WDR70: variants seen among roughly 807,000 people sequenced by gnomAD.
WDR70 encodes WD repeat-containing protein 70.
In WDR70, 53 loss-of-function variants were observed where a neutral mutation model predicts 88.6. The observed-to-expected ratio is 0.60, with a 90% CI of 0.48 to 0.75. The LOEUF is 0.75. Among genes scored for constraint, WDR70 ranks in the 30% least tolerant of loss-of-function variants. The pLI, the probability that WDR70 is intolerant of heterozygous loss-of-function variation, is 0.00. For synonymous variants in WDR70, 280 were observed against 270.0 expected, an observed-to-expected ratio of 1.04 and a Z score of -0.36; for missense variants, 610 against 823.2, an observed-to-expected ratio of 0.74 and a Z score of 3.17.
intron 9 of WDR70, among the ~76,000 whole-genome samples, chr5:37,564,523 G>T (rs1581398398): frequency 6.7e-6 from 1 of 149,864 alleles, no homozygotes; most frequent in South Asian, 2.1e-4. Context: ...CGTGGAAAGA[G>T]AGGGAGAGGG....
intron 9 of WDR70, among the ~76,000 whole-genome samples, chr5:37,597,087 G>T (rs1743725052): frequency 6.6e-6 from 1 of 152,128 alleles, no homozygotes. Context: ...TTTATTTAGT[G>T]CATTAACAGA....
At chr5:37,522,903 C>T (rs1028468150) in intron 9 of WDR70, among the ~76,000 whole-genome samples, 1 of 152,202 alleles carries the variant, frequency 6.6e-6, no homozygotes, top group Non-Finnish European at 1.5e-5. Flanking sequence ...AGTCTGAGAT[C>T]GAACTGCAAG....
At chr5:37,423,305 TAAG>T (rs1430777881) in intron 5 of WDR70, among the ~76,000 whole-genome samples, 4 of 146,734 alleles carry the variant, frequency 2.7e-5, no homozygotes, top group Non-Finnish European at 6.0e-5. Flanking sequence ...AGGAAGCAAA[TAAG>T]AAGGAGAGTT....
At chr5:37,388,794 G>A (rs1319334799) in intron 3 of WDR70, among the ~76,000 whole-genome samples, 2 of 150,350 alleles carry the variant, frequency 1.3e-5, no homozygotes. Context: ...CTGGCATGGT[G>A]TGGTGGCTCA....
chr5:37,469,999 C>T (rs972847225), intron 7 of WDR70, among the ~76,000 whole-genome samples: 3 of 151,994 alleles, frequency 2.0e-5, no homozygotes, highest in African/African-American at 7.2e-5. Flanking sequence ...TTGTTTCATA[C>T]ATAAAAGTTC....
At chr5:37,592,394 C>T (rs1743557954) in intron 9 of WDR70, among the ~76,000 whole-genome samples, 1 of 152,108 alleles carries the variant, frequency 6.6e-6, no homozygotes, top group Non-Finnish European at 1.5e-5. Context: ...CACTGATAAG[C>T]ATTTTCTTAC....
intron 9 of WDR70, among the ~76,000 whole-genome samples, chr5:37,529,460 G>T (rs114506035): frequency 0.011 from 1,739 of 152,114 alleles, 48 homozygotes; most frequent in African/African-American, 0.04. Context: ...TGAGCATGGG[G>T]AGTGTTTCAA....
At chr5:37,417,594 A>G (rs1229857935) in intron 5 of WDR70, among the ~76,000 whole-genome samples, 1 of 150,452 alleles carries the variant, frequency 6.6e-6, no homozygotes, top group Non-Finnish European at 1.5e-5. Flanking sequence ...CCTGGAGTGC[A>G]GTGGCACAAT....
intron 17 of WDR70, among the ~76,000 whole-genome samples, chr5:37,737,671 A>G (rs947720080): frequency 1.3e-5 from 2 of 152,190 alleles, no homozygotes; most frequent in African/African-American, 2.4e-5. Flanking sequence ...GAACTTATTA[A>G]GAGAGTGCTT....
chr5:37,736,743 C>T (rs1748317389), intron 17 of WDR70, among the ~76,000 whole-genome samples: 1 of 151,106 alleles, frequency 6.6e-6, no homozygotes, highest in Non-Finnish European at 1.5e-5. Flanking sequence ...TTAAGAGGTG[C>T]CCTGGGTGAT....
chr5:37,424,141 T>C, intron 5 of WDR70, among the ~76,000 whole-genome samples: 1 of 83,550 alleles, frequency 1.2e-5, no homozygotes, highest in Non-Finnish European at 2.1e-5. Flanking sequence ...AGAGGGAGAC[T>C]CCATCTCAAA....
intron 13 of WDR70, among the ~76,000 whole-genome samples, chr5:37,711,799 A>T (rs1442130092): frequency 1.3e-5 from 2 of 152,160 alleles, no homozygotes; most frequent in Admixed American, 6.5e-5. Context: ...AATGTAATAC[A>T]TGGCACATAG....
At chr5:37,715,938 A>C (rs548795786) in intron 13 of WDR70, among the ~76,000 whole-genome samples, 31 of 151,970 alleles carry the variant, frequency 2.0e-4, no homozygotes, top group Middle Eastern at 3.4e-3. Context: ...ACACACACAC[A>C]CCCATTCAAA....
chr5:37,570,632 A>C (rs1173592067), intron 9 of WDR70, among the ~76,000 whole-genome samples: 3 of 152,186 alleles, frequency 2.0e-5, no homozygotes, highest in Non-Finnish European at 4.4e-5. Flanking sequence ...GAAAACTGAG[A>C]GTACTGTCAC....
At chr5:37,542,688 T>C (rs938933661) in intron 9 of WDR70, among the ~76,000 whole-genome samples, 16 of 152,040 alleles carry the variant, frequency 1.1e-4, no homozygotes, top group Admixed American at 1.0e-3. Context: ...ACACAAATCA[T>C]GTAATTTGTG....
intron 6 of WDR70, among the ~76,000 whole-genome samples, chr5:37,440,558 C>T (rs528602492): frequency 9.9e-5 from 15 of 152,184 alleles, no homozygotes; most frequent in South Asian, 2.1e-4. Context: ...TTGGCCAGGC[C>T]GGTCTTGAAC....
chr5:37,525,174 A>T (rs4869526), intron 9 of WDR70, among the ~76,000 whole-genome samples: 4 of 151,974 alleles, frequency 2.6e-5, no homozygotes, highest in Non-Finnish European at 4.4e-5. Flanking sequence ...AAAAGAATAT[A>T]CATTCTTCTC....
Position 37,392,100 on chromosome 5 carries a change from T to G in WDR70, c.276T>G (p.Asp92Glu), listed in dbSNP as rs772800279. 5.6e-6 allele frequency: 9 copies of G among 1,610,882 alleles called. No homozygotes were observed. Among genetic ancestry groups the G allele is most frequent in the Non-Finnish European group, 7.6e-6 (9 of 1,179,544 alleles). ...CCTCAAGATCAAATGTGGTCAGAGA[T>G]TGCTCCAAATCATCTTCCAGGTGCC... ...PTSSRSNVVR[D>E]CSKSSSRDTS... The change falls in exon 4 of 18, where the codon GAT becomes GAG. Residue 92 changes from aspartate (D) to glutamate (E), a missense_variant. Around this residue, in one of 4 missense-constraint regions of WDR70, gnomAD observed 203 missense variants for 228.1 expected, o/e 0.89. Coordinates refer to ENST00000265107, the MANE Select transcript of WDR70 (RefSeq NM_018034.4).
chr5:37,617,168 G>A (rs1744369161), intron 10 of WDR70, among the ~76,000 whole-genome samples: 2 of 152,178 alleles, frequency 1.3e-5, no homozygotes, highest in African/African-American at 4.8e-5. Context: ...ACATGTTTTA[G>A]ATGAGAAAAC....
Sources: gnomAD v4.1 joint callset for allele counts (sites outside exome capture counted in the v4.1 genomes callset) on GRCh38, gnomAD v4.1.1 for gene constraint, gnomAD v4.1.1 regional missense constraint, MANE v1.5 for transcripts, NCBI Gene and HGNC (gene_info 2026-07-23, HGNC 2026-07-21) for gene names.